Variants in EFEMP1 observed in about 807,000 individuals in gnomAD.
The protein encoded by EFEMP1 is EGF-like fibulin extracellular matrix protein 1.
In EFEMP1, 18 loss-of-function variants were observed where a neutral mutation model predicts 65.7. That is an observed-to-expected ratio of 0.27 (90% CI 0.19 to 0.41). The LOEUF is 0.41. EFEMP1 is among the 10% of genes least tolerant of loss of function. EFEMP1 has a pLI of 1.00. For missense variants in EFEMP1, 469 were observed against 624.8 expected, an observed-to-expected ratio of 0.75 and a Z score of 2.66; for synonymous variants, 237 against 219.7, an observed-to-expected ratio of 1.08 and a Z score of -0.70.
chr2:55,887,346 G>T (rs1363427495), intron 5 of EFEMP1, among the ~76,000 whole-genome samples: 1 of 152,110 alleles, frequency 6.6e-6, no homozygotes, highest in African/African-American at 2.4e-5. Flanking sequence ...TAAAGATAGG[G>T]TTGTTAATGT....
At position 55,866,787 on chromosome 2, in the gene EFEMP1, T is replaced by A. The variant is rs540160557; in HGVS notation, c.*286A>T. On this transcript the variant is annotated 3_prime_UTR_variant, in exon 12 of 12. Coordinates refer to ENST00000355426, the MANE Select transcript of EFEMP1 (RefSeq NM_001039348.3). Reference sequence around the variant, plus strand: ...GAAGATCATCATTGCTTGGTCCCACTTTTATAGGAAAGAATCCAAGTTTCA... The same window carrying A: ...GAAGATCATCATTGCTTGGTCCCACATTTATAGGAAAGAATCCAAGTTTCA... The A allele has an allele frequency of 8.3e-6, 3 of 362,042 alleles. No homozygotes were observed. Among genetic ancestry groups the A allele is most frequent in the Non-Finnish European group, 5.2e-6 (1 of 193,990 alleles). 22.4% of individuals were successfully genotyped at this position (362,042 alleles called of 1,614,324 possible). A position where few individuals can be genotyped will look rare whatever the true frequency, so the allele number is the denominator to read the frequency against.
chr2:55,901,931 T>A (rs1242558509), intron 5 of EFEMP1, among the ~76,000 whole-genome samples: 1 of 152,182 alleles, frequency 6.6e-6, no homozygotes, highest in African/African-American at 2.4e-5. Flanking sequence ...GAGAAGTGTA[T>A]GTGGCAAGGA....
chr2:55,910,954 C>T (rs886340786), intron 5 of EFEMP1, among the ~76,000 whole-genome samples: 1 of 152,146 alleles, frequency 6.6e-6, no homozygotes, highest in African/African-American at 2.4e-5. Flanking sequence ...AGCATTGCCT[C>T]ATCTCACAAG....
chr2:55,901,720 CAAT>C (rs1395525131), intron 5 of EFEMP1, among the ~76,000 whole-genome samples: 3 of 152,168 alleles, frequency 2.0e-5, no homozygotes, highest in African/African-American at 7.2e-5. Flanking sequence ...ACATGGCTCT[CAAT>C]GATGCCAACA....
At position 55,922,502 on chromosome 2, in the gene EFEMP1, C is replaced by A; in HGVS notation, c.-7-55G>T. On this transcript the variant is annotated intron_variant, in intron 2 of 11. Coordinates refer to ENST00000355426, the MANE Select transcript of EFEMP1 (RefSeq NM_001039348.3). The surrounding 1 kb of genome is among the most constrained non-coding windows in gnomAD (Gnocchi z 5.5). ...TTAGTATCTGCTGCGGGGAAAGTAA[C>A]AAAACTTTAGCAGTGAGCACAAGCG... 6.5e-7 allele frequency: 1 copy of A among 1,537,030 alleles called. No individual in the cohort carries two copies. The highest frequency in any genetic ancestry group is 1.4e-5 in the African/African-American group (1 of 73,402).
chr2:55,901,767 G>A (rs1468601692), intron 5 of EFEMP1, among the ~76,000 whole-genome samples: 1 of 152,104 alleles, frequency 6.6e-6, no homozygotes, highest in Admixed American at 6.6e-5. Flanking sequence ...TGTTTCCAAC[G>A]AACAGTATAT....
At chr2:55,879,352 C>A (rs1173106992) in intron 6 of EFEMP1, among the ~76,000 whole-genome samples, 4 of 152,110 alleles carry the variant, frequency 2.6e-5, no homozygotes, top group African/African-American at 4.8e-5. Flanking sequence ...TCATCAGGTG[C>A]TAGTATTGAT....
intron 11 of EFEMP1, among the ~76,000 whole-genome samples, chr2:55,869,969 G>A (rs989219013): frequency 2.0e-5 from 3 of 152,024 alleles, no homozygotes; most frequent in Middle Eastern, 3.2e-3. Context: ...TGGAAGTGAC[G>A]GGAGCCAGTT....
rs1670765975 is a variant in EFEMP1, at chr2:55,917,894, C to T, written c.288G>A (p.Gly96=). The T allele has an allele frequency of 4.3e-6, 7 of 1,614,208 alleles. No individual in the cohort carries two copies. The highest frequency in any genetic ancestry group is 5.9e-6 in the Non-Finnish European group (7 of 1,180,042). Residue 96 remains glycine, a synonymous_variant, in exon 5 of 12, where the codon GGG becomes GGA. Coordinates refer to ENST00000355426, the MANE Select transcript of EFEMP1 (RefSeq NM_001039348.3). This position sits in a 1 kb window ranked among gnomAD's most constrained non-coding sequence, Gnocchi z 6.3. ...QETQPAEGTS[G]ATTGVVAASS... ...TGGCAGCTACAACCCCGGTGGTTGC[C>T]CCTGAGGTTCCTTCTGCTGGTTGTG... is the stretch of plus-strand genomic sequence containing the variant.
At position 55,883,835 on chromosome 2, in the gene EFEMP1, G is replaced by A. The variant is rs976797305; in HGVS notation, c.518-2101C>T. Among the ~76,000 whole-genome samples, 2 of 152,096 alleles carry A rather than the reference G, an allele frequency of 1.3e-5. No individual in the cohort carries two copies. The highest frequency in any genetic ancestry group is 2.9e-5 in the Non-Finnish European group (2 of 68,012). Reference sequence around the variant, plus strand: ...TGTGCTACTCCTTCTTAAGAATGAGGTCTGTTTACCTTCTGAGTGGGTTAT... The same window carrying A: ...TGTGCTACTCCTTCTTAAGAATGAGATCTGTTTACCTTCTGAGTGGGTTAT... On this transcript the variant is annotated intron_variant, in intron 5 of 11. Transcript: ENST00000355426. This position sits in a 1 kb window ranked among gnomAD's most constrained non-coding sequence, Gnocchi z 4.5.
intron 9 of EFEMP1, among the ~76,000 whole-genome samples, chr2:55,872,945 A>G (rs1481783672): frequency 6.6e-6 from 1 of 152,028 alleles, no homozygotes; most frequent in African/African-American, 2.4e-5. Flanking sequence ...ATTAATGTAG[A>G]GCCTAGCATA....
intron 5 of EFEMP1, among the ~76,000 whole-genome samples, chr2:55,882,763 T>C (rs1481548967): frequency 3.9e-5 from 6 of 152,156 alleles, no homozygotes; most frequent in African/African-American, 1.4e-4. Flanking sequence ...ACAATTTTTG[T>C]ATAAAAACCA....
At chr2:55,868,323 C>T (rs1456549812) in intron 11 of EFEMP1, among the ~76,000 whole-genome samples, 1 of 152,060 alleles carries the variant, frequency 6.6e-6, no homozygotes, top group Non-Finnish European at 1.5e-5. Flanking sequence ...GAATACTGAA[C>T]CGACAGGTGT....
chr2:55,877,697 G>C lies in EFEMP1; in HGVS notation c.760+49C>G, dbSNP rs1669089555. 6.2e-7 allele frequency: 1 copy of C among 1,610,870 alleles called. No homozygotes were observed. On this transcript the variant is annotated intron_variant, in intron 7 of 11. Coordinates refer to ENST00000355426, the MANE Select transcript of EFEMP1 (RefSeq NM_001039348.3). This position sits in a 1 kb window ranked among gnomAD's most constrained non-coding sequence, Gnocchi z 4.5. The stretch of plus-strand genomic sequence containing the variant: ...ACTGGAAATACTGCAACATGGCATG[G>C]GGTTTCCTTTTGTGAAGACAGAAAT...
At chr2:55,884,754 A>G (rs1387279988) in intron 5 of EFEMP1, among the ~76,000 whole-genome samples, 5 of 152,328 alleles carry the variant, frequency 3.3e-5, no homozygotes, top group African/African-American at 1.2e-4. Context: ...ATTATAATTT[A>G]TCCTTGACAG....
rs1363235374 is a variant in EFEMP1 at position 55,907,858 on chromosome 2, C to T, written c.517+9807G>A. 3.3e-5 allele frequency among the ~76,000 whole-genome samples: 5 copies of T among 152,202 alleles called. No homozygotes were observed. In the South Asian group the frequency reaches 8.3e-4, roughly 25 times the overall value. ...ACTTATTTCACCACCTTCCCCACAACGATTTAACTACATGCAGTTCCAGCT... is the reference window on the plus strand; with the variant it reads ...ACTTATTTCACCACCTTCCCCACAATGATTTAACTACATGCAGTTCCAGCT... On this transcript the variant is annotated intron_variant, in intron 5 of 11. Transcript: ENST00000355426.
chr2:55,898,521 A>C (rs767653580), intron 5 of EFEMP1, among the ~76,000 whole-genome samples: 1 of 151,834 alleles, frequency 6.6e-6, no homozygotes, highest in Non-Finnish European at 1.5e-5. Flanking sequence ...TTAAAAACTC[A>C]CTCCCTTTTC....
intron 11 of EFEMP1, among the ~76,000 whole-genome samples, chr2:55,869,558 T>C (rs1395437225): frequency 6.6e-6 from 1 of 152,156 alleles, no homozygotes; most frequent in Non-Finnish European, 1.5e-5. Flanking sequence ...AGAAATAATA[T>C]CACATAACTC....
rs1271453030 is a variant in EFEMP1 at position 55,892,806 on chromosome 2, A to G, written c.518-11072T>C. On this transcript the variant is annotated intron_variant, in intron 5 of 11. Coordinates refer to ENST00000355426, the MANE Select transcript of EFEMP1 (RefSeq NM_001039348.3). ...TTGATGCCAAACTAAGTCAATCTTAAAGAGAATTTCTTGGCATGAATAAAC... is the reference window on the plus strand; with the variant it reads ...TTGATGCCAAACTAAGTCAATCTTAGAGAGAATTTCTTGGCATGAATAAAC... Among the ~76,000 whole-genome samples, 4 of 152,270 alleles carry G rather than the reference A, an allele frequency of 2.6e-5. No homozygotes were observed. The East Asian group carries it at 7.7e-4, about 29-fold the overall frequency.
Sources: allele counts gnomAD v4.1 joint callset (sites outside exome capture counted in the v4.1 genomes callset), GRCh38; gene constraint gnomAD v4.1.1; non-coding constraint Gnocchi (gnomAD v3.1); transcripts MANE v1.5; gene names NCBI Gene and HGNC (gene_info 2026-07-23, HGNC 2026-07-21).